Variants in STARD13 observed in about 807,000 individuals in gnomAD.
STARD13 encodes StAR related lipid transfer domain containing 13, also known as stAR-related lipid transfer protein 13.
In STARD13, 62 loss-of-function variants were observed where a neutral mutation model predicts 106.4. The ratio of observed to expected loss-of-function variants is 0.58; its 90% CI spans 0.48 to 0.72. The LOEUF (loss-of-function observed/expected upper bound fraction) is 0.72. Among genes scored for constraint, STARD13 ranks in the 30% least tolerant of loss-of-function variants. The pLI, the probability that STARD13 is intolerant of heterozygous loss-of-function variation, is 0.00. For synonymous variants in STARD13, 565 were observed against 553.0 expected (o/e 1.02, Z -0.31); for missense variants, 1,387 against 1,424.0 (o/e 0.97, Z 0.42).
At chr13:33,458,982 A>T in the STARD13 span, among the ~76,000 whole-genome samples, 8 of 151,894 alleles carry the variant, frequency 5.3e-5, no homozygotes, top group Non-Finnish European at 7.4e-5. Context: ...CACAAGCATG[A>T]TCTACCCACC....
At chr13:33,305,532 A>G (rs76780051) in intron 1 of STARD13, among the ~76,000 whole-genome samples, 2,496 of 152,354 alleles carry the variant, frequency 0.016, 68 homozygotes, top group African/African-American at 0.053. Context: ...TAAAGAAACA[A>G]AGGGCATAGA....
At chr13:33,187,301 T>C (rs1163953356) in intron 1 of STARD13, among the ~76,000 whole-genome samples, 1 of 152,230 alleles carries the variant, frequency 6.6e-6, no homozygotes, top group Non-Finnish European at 1.5e-5. Flanking sequence ...TTTGATTTTT[T>C]TGAGATAATC....
At chr13:33,582,630 CT>C in the STARD13 span, among the ~76,000 whole-genome samples, 1 of 152,158 alleles carries the variant, frequency 6.6e-6, no homozygotes, top group Admixed American at 6.5e-5. Context: ...TTGTTATCAC[CT>C]TTGCCTTGGA....
chr13:33,590,240 C>CACTGTTGG, the STARD13 span, among the ~76,000 whole-genome samples: 1 of 152,118 alleles, frequency 6.6e-6, no homozygotes, highest in Non-Finnish European at 1.5e-5. Flanking sequence ...AACACTTTTA[C>CACTGTTGG]ACTGTTGGTG....
chr13:33,451,003 C>T, the STARD13 span, among the ~76,000 whole-genome samples: 1,036 of 152,266 alleles, frequency 6.8e-3, 13 homozygotes, highest in African/African-American at 0.024. Flanking sequence ...CCACCTCTGC[C>T]TCCTGAGTAG....
the STARD13 span, among the ~76,000 whole-genome samples, chr13:33,383,237 G>T: frequency 6.6e-6 from 1 of 152,202 alleles, no homozygotes; most frequent in African/African-American, 2.4e-5. Flanking sequence ...ACACGGAGAA[G>T]AATCTGGCAG....
chr13:33,652,842 A>T, the STARD13 span, among the ~76,000 whole-genome samples: 1 of 152,110 alleles, frequency 6.6e-6, no homozygotes, highest in Non-Finnish European at 1.5e-5. Context: ...GGTATCTAGT[A>T]GGTAGTGATA....
At chr13:33,256,662 C>G (rs1890380710) in intron 1 of STARD13, among the ~76,000 whole-genome samples, 1 of 152,062 alleles carries the variant, frequency 6.6e-6, no homozygotes, top group Non-Finnish European at 1.5e-5. Context: ...TTTAACAAAC[C>G]AGAATCAGTT....
At chr13:33,498,909 A>G in the STARD13 span, among the ~76,000 whole-genome samples, 3 of 152,194 alleles carry the variant, frequency 2.0e-5, no homozygotes, top group Non-Finnish European at 2.9e-5. Context: ...AGGCCGAGGC[A>G]GGCAGATCAC....
chr13:33,332,456 G>A (rs2077847069), intron 1 of STARD13, among the ~76,000 whole-genome samples: 1 of 152,124 alleles, frequency 6.6e-6, no homozygotes, highest in Non-Finnish European at 1.5e-5. Flanking sequence ...TGGGATTAGT[G>A]ACCTTATAAA....
intron 1 of STARD13, among the ~76,000 whole-genome samples, chr13:33,232,699 T>C (rs1888984371): frequency 6.6e-6 from 1 of 152,246 alleles, no homozygotes; most frequent in African/African-American, 2.4e-5. Context: ...ACATAGAAAT[T>C]GACCCTCTGA....
chr13:33,354,256 T>A (rs1168878410), upstream of STARD13, among the ~76,000 whole-genome samples: 1 of 152,242 alleles, frequency 6.6e-6, no homozygotes, highest in African/African-American at 2.4e-5. Flanking sequence ...TGAAAGCTCT[T>A]GGTCTCACTG....
Position 33,120,312 on chromosome 13 carries a change from G to A in STARD13, c.2083-2049C>T, listed in dbSNP as rs114498999. On this transcript the variant is annotated intron_variant, in intron 7 of 13. Coordinates refer to ENST00000336934, the MANE Select transcript of STARD13 (RefSeq NM_178006.4). Reference sequence around the variant, plus strand: ...TGTTTCTGGGCACACAGTCATGTGCGTGCACACACACATCCCAGAGATGCT... The same window carrying A: ...TGTTTCTGGGCACACAGTCATGTGCATGCACACACACATCCCAGAGATGCT... Among the ~76,000 whole-genome samples the A allele has an allele frequency of 2.1e-3, 323 of 152,322 alleles. 3 individuals carry two copies. The highest frequency in any genetic ancestry group is 7.5e-3 in the African/African-American group (310 of 41,556).
chr13:33,161,774 A>T (rs1882656089), intron 3 of STARD13, among the ~76,000 whole-genome samples: 1 of 152,192 alleles, frequency 6.6e-6, no homozygotes, highest in South Asian at 2.1e-4. Flanking sequence ...TGGGAAGAAA[A>T]AGAGGTTTAA....
At chr13:33,568,589 T>C in the STARD13 span, among the ~76,000 whole-genome samples, 1 of 147,978 alleles carries the variant, frequency 6.8e-6, no homozygotes, top group Non-Finnish European at 1.5e-5. Context: ...CCTGACTACG[T>C]AGGGCTTCTG....
At chr13:33,624,803 C>G in the STARD13 span, among the ~76,000 whole-genome samples, 1 of 152,210 alleles carries the variant, frequency 6.6e-6, no homozygotes, top group African/African-American at 2.4e-5. Flanking sequence ...GCAACTTGCC[C>G]AAGGCCACCC....
chr13:33,346,075 T>C (rs2078013887), downstream of STARD13, among the ~76,000 whole-genome samples: 1 of 152,248 alleles, frequency 6.6e-6, no homozygotes, highest in Non-Finnish European at 1.5e-5. Flanking sequence ...AATTTCTGTC[T>C]TGAGTGCATG....
intron 3 of STARD13, chr13:33,164,356 A>G (rs983627433): frequency 6.6e-6 from 1 of 152,232 alleles, no homozygotes. Flanking sequence ...TCCTGTCTTC[A>G]TAAGTTTTGC....
chr13:33,503,677 T>C, the STARD13 span, among the ~76,000 whole-genome samples: 1 of 152,190 alleles, frequency 6.6e-6, no homozygotes, highest in Non-Finnish European at 1.5e-5. Context: ...TCAGTTTCCA[T>C]GTAGTTGAGC....
Sources: allele counts gnomAD v4.1 joint callset (sites outside exome capture counted in the v4.1 genomes callset), GRCh38; gene constraint gnomAD v4.1.1; transcripts MANE v1.5; gene names NCBI Gene and HGNC (gene_info 2026-07-23, HGNC 2026-07-21).